The following TMEM216 variants were observed in gnomAD, a reference collection of about 807,000 sequenced individuals.
The protein encoded by TMEM216 is transmembrane protein 216, also known as cerebello-oculo-renal syndrome 2.
TMEM216 carries 15 observed loss-of-function variants against 17.8 expected under a neutral mutation model. That is an observed-to-expected ratio of 0.84 (90% confidence interval 0.56 to 1.30). TMEM216 has a LOEUF of 1.30. Among genes scored for constraint, TMEM216 ranks in the 50% most tolerant of loss-of-function variants. The pLI is 0.00. For missense variants in TMEM216, 160 were observed against 175.7 expected (o/e 0.91, Z 0.51); for synonymous variants, 58 against 73.5 (o/e 0.79, Z 1.08).
chr11:61,398,013 GT>G (rs770800779), intron 4 of TMEM216, 38 bp downstream of exon 4: 3 of 1,609,108 alleles, frequency 1.9e-6, no homozygotes, highest in Non-Finnish European at 2.5e-6. Context: ...TCACTAGAGG[GT>G]TGGGTTCCCA....
chr11:61,398,115 T>A, intron 4 of TMEM216, 140 bp downstream of exon 4: 1 of 1,392,232 alleles, frequency 7.2e-7, no homozygotes, highest in Middle Eastern at 1.8e-4. Flanking sequence ...GGGATTGCCT[T>A]TCCTGTTTAG....
At position 61,393,912 on chromosome 11, in the gene TMEM216, C is replaced by T. The variant is rs1858736498; in HGVS notation, c.165C>T (p.Asn55=). The T allele has an allele frequency of 6.2e-7, 1 of 1,613,816 alleles. No individual in the cohort carries two copies. Among genetic ancestry groups the T allele is most frequent in the African/African-American group, 1.3e-5 (1 of 74,906 alleles). The stretch of plus-strand genomic sequence containing the variant: ...TCCTGCTACCATATCCAACAGCTAA[C>T]CTAGTACTGGATGTGGTGATGCTCC... ...KGVLLPYPTA[N]LVLDVVMLLL... is the part of the protein sequence containing the mutation. The change falls in exon 3 of 5, where the codon AAC becomes AAT. Residue 55 remains asparagine (N), a synonymous_variant. Coordinates refer to ENST00000515837, the MANE Select transcript of TMEM216 (RefSeq NM_001173990.3).
chr11:61,397,806 C>A lies in TMEM216; in HGVS notation c.262C>A (p.Pro88Thr), dbSNP rs904853834. The A allele has an allele frequency of 6.2e-7, 1 of 1,613,648 alleles. No individual in the cohort carries two copies. Among genetic ancestry groups the A allele is most frequent in the African/African-American group, 1.3e-5 (1 of 75,036 alleles). ...TKGNLCQRKMPLSISVALTFP... is the reference protein window; with the variant it reads ...TKGNLCQRKMTLSISVALTFP... ...GGGAAACCTCTGCCAGCGAAAGATG[C>A]CGCTCAGTATTAGCGTGGCCTTGAC... is the stretch of plus-strand genomic sequence containing the variant. Residue 88 changes from proline to threonine, a missense_variant, in exon 4 of 5, where the codon CCG becomes ACG. Transcript: ENST00000515837.
chr11:61,393,170 C>G (rs1858715340), intron 1 of TMEM216, 61 bp from the exon 2 acceptor site: 10 of 1,304,262 alleles, frequency 7.7e-6, no homozygotes, highest in Non-Finnish European at 1.1e-5. Flanking sequence ...GACACCAACC[C>G]ATACGAGCAG....
intron 4 of TMEM216, 87 bp from the exon 5 acceptor site, chr11:61,398,183 A>C: frequency 6.5e-7 from 1 of 1,539,304 alleles, no homozygotes; most frequent in Non-Finnish European, 8.9e-7. Context: ...TGGGGCCAGG[A>C]GGCTTGGAAT....
rs1237902679 is a variant in TMEM216 at position 61,393,273 on chromosome 11, T to A, written c.77T>A (p.Leu26Gln). 2 of 1,535,992 alleles carry A rather than the reference T, an allele frequency of 1.3e-6. No individual in the cohort carries two copies. The highest frequency in any genetic ancestry group is 2.4e-5 in the East Asian group (1 of 40,928). The change falls in exon 2 of 5, where the codon CTG becomes CAG. Residue 26 changes from leucine to glutamine, a missense_variant. Physicochemically the swap from Leu to Gln is moderately radical, Grantham distance 113. Coordinates refer to ENST00000515837, the MANE Select transcript of TMEM216 (RefSeq NM_001173990.3). Reference protein sequence around the residue: ...SSTPLEILFFLNGWYNATYFL... With the variant: ...SSTPLEILFFQNGWYNATYFL... The stretch of plus-strand genomic sequence containing the variant: ...ACCCCGCTGGAAATCCTGTTCTTTC[T>A]GAACGGGTGGTATAATGCTACCTAT...
intron 3 of TMEM216, among the ~76,000 whole-genome samples, chr11:61,394,857 G>C (rs1858764688): frequency 6.6e-6 from 1 of 151,948 alleles, no homozygotes; most frequent in African/African-American, 2.4e-5. Context: ...AGTAGAGATA[G>C]AGTTTCACCA....
Position 61,392,628 on chromosome 11 carries a change from G to C in TMEM216, c.-4G>C, listed in dbSNP as rs1345921998. On this transcript the variant is annotated 5_prime_UTR_variant, in exon 1 of 5. Transcript: ENST00000515837. ...CGCTGCTCCGGGAGCCGCTGTGGCA[G>C]CGTATGCTGCCACGGGGACTGAAGA... The C allele has an allele frequency of 7.8e-6, 12 of 1,535,872 alleles. No homozygotes were observed. The African/African-American group carries it at 1.2e-4, about 16-fold the overall frequency.
At chr11:61,396,790 C>CA (rs1858808177) in intron 3 of TMEM216, among the ~76,000 whole-genome samples, 1 of 144,750 alleles carries the variant, frequency 6.9e-6, no homozygotes, top group African/African-American at 2.6e-5. Context: ...AACTCCGTCT[C>CA]AATAAAAAAA....
chr11:61,392,872 G>A lies in TMEM216; in HGVS notation c.34+207G>A, dbSNP rs539623921. The A allele has an allele frequency of 1.8e-5, 18 of 985,400 alleles. No homozygotes were observed. The African/African-American group carries it at 2.6e-4, about 14-fold the overall frequency. 61.0% of individuals were successfully genotyped at this position (985,400 alleles called of 1,614,324 possible). On this transcript the variant is annotated intron_variant, in intron 1 of 4. Coordinates refer to ENST00000515837, the MANE Select transcript of TMEM216 (RefSeq NM_001173990.3). Reference sequence around the variant, plus strand: ...CAGCTCAAATAAACGCAGATCCTTGGCTGGGCCACTTCTAGGCTGGCTCAG... The same window carrying A: ...CAGCTCAAATAAACGCAGATCCTTGACTGGGCCACTTCTAGGCTGGCTCAG...
At chr11:61,393,394 C>CT in intron 2 of TMEM216, 62 bp downstream of exon 2, 1 of 1,164,504 alleles carries the variant, frequency 8.6e-7, no homozygotes, top group South Asian at 1.3e-5. Flanking sequence ...GAGCCAATTC[C>CT]TACCAAGAAC....
In TMEM216 at chr11:61,393,266, T is replaced by C. The variant is rs1473376508; in HGVS notation, c.70T>C (p.Phe24Leu). 2 of 1,535,946 alleles carry C rather than the reference T, an allele frequency of 1.3e-6. No homozygotes were observed. The highest frequency in any genetic ancestry group is 1.7e-6 in the Non-Finnish European group (2 of 1,146,860). Residue 24 changes from phenylalanine to leucine, a missense_variant, in exon 2 of 5, where the codon TTC becomes CTC. Physicochemically the swap from Phe to Leu is conservative, Grantham distance 22. Coordinates refer to ENST00000515837, the MANE Select transcript of TMEM216 (RefSeq NM_001173990.3). ...GTCCTCCACCCCGCTGGAAATCCTG[T>C]TCTTTCTGAACGGGTGGTATAATGC... is the stretch of plus-strand genomic sequence containing the variant. ...RLSSTPLEIL[F>L]FLNGWYNATY...
In TMEM216 at chr11:61,393,278, G is replaced by A. The variant is rs1199278357; in HGVS notation, c.82G>A (p.Gly28Arg). ...GCTGGAAATCCTGTTCTTTCTGAACGGGTGGTATAATGCTACCTATTTCCT... is the reference window on the plus strand; with the variant it reads ...GCTGGAAATCCTGTTCTTTCTGAACAGGTGGTATAATGCTACCTATTTCCT... ...TPLEILFFLN[G>R]WYNATYFLLE... The change falls in exon 2 of 5, where the codon GGG (glycine) becomes AGG (arginine). Residue 28 changes from glycine (G) to arginine (R), a missense_variant. By Grantham distance (125) the Gly-to-Arg change is moderately radical (BLOSUM62 -2). Transcript: ENST00000515837. 1.3e-6 allele frequency: 2 copies of A among 1,535,990 alleles called. No individual in the cohort carries two copies. The highest frequency in any genetic ancestry group is 1.2e-5 in the South Asian group (1 of 84,058).
rs762513175 is a variant in TMEM216 at position 61,398,326 on chromosome 11, C to T, written c.*50C>T. ...CATCAGGCTGACACCACACATATTG[C>T]TTCTGGTACTTTAGCCACACCAGTG... On this transcript the variant is annotated 3_prime_UTR_variant, in exon 5 of 5. Coordinates refer to ENST00000515837, the MANE Select transcript of TMEM216 (RefSeq NM_001173990.3). The T allele has an allele frequency of 2.6e-5, 42 of 1,594,408 alleles. No individual in the cohort carries two copies. Among genetic ancestry groups the T allele is most frequent in the Non-Finnish European group, 4.3e-6 (5 of 1,165,914 alleles).
chr11:61,394,588 C>G (rs1334565028), intron 3 of TMEM216, among the ~76,000 whole-genome samples: 4 of 151,492 alleles, frequency 2.6e-5, no homozygotes, highest in Non-Finnish European at 5.9e-5. Context: ...AGGATGGTCT[C>G]GATCTCTTGA....
At chr11:61,397,449 G>A (rs1858824778) in intron 3 of TMEM216, among the ~76,000 whole-genome samples, 1 of 152,078 alleles carries the variant, frequency 6.6e-6, no homozygotes, top group Admixed American at 6.6e-5. Flanking sequence ...TTACAGGTGT[G>A]AGCCACTGCA....
At chr11:61,393,396 A>C (rs1015599835) in intron 2 of TMEM216, 64 bp downstream of exon 2, 41 of 1,144,532 alleles carry the variant, frequency 3.6e-5, no homozygotes, top group Non-Finnish European at 4.3e-5. Flanking sequence ...GCCAATTCCT[A>C]CCAAGAACCT....
At chr11:61,394,160 G>T (rs956121726) in intron 3 of TMEM216, 184 bp downstream of exon 3, 41 of 570,024 alleles carry the variant, frequency 7.2e-5, no homozygotes, top group African/African-American at 5.1e-4. Flanking sequence ...CCTGTTTGTT[G>T]CTCTGTAAGG....
chr11:61,393,234 A>G lies in TMEM216; in HGVS notation c.38A>G (p.Lys13Arg). The part of the protein sequence containing the change: ...PRGLKMAPRG[K>R]RLSSTPLEIL... ...CTTCTCTGTGCTCCTTTTTCAGGTA[A>G]ACGGTTGTCCTCCACCCCGCTGGAA... Residue 13 changes from lysine to arginine, a missense_variant, in exon 2 of 5, where the codon AAA (lysine) becomes AGA (arginine). Coordinates refer to ENST00000515837, the MANE Select transcript of TMEM216 (RefSeq NM_001173990.3). 1 of 1,535,242 alleles carries G rather than the reference A, an allele frequency of 6.5e-7. No homozygotes were observed. The highest frequency in any genetic ancestry group is 8.7e-7 in the Non-Finnish European group (1 of 1,146,422).
Sources: gnomAD v4.1 joint callset for allele counts (sites outside exome capture counted in the v4.1 genomes callset) on GRCh38, gnomAD v4.1.1 for gene constraint, MANE v1.5 for transcripts, NCBI Gene and HGNC (gene_info 2026-07-23, HGNC 2026-07-21) for gene names.